SYNE1: variants seen among roughly 807,000 people sequenced by gnomAD.
The protein encoded by SYNE1 is spectrin repeat containing nuclear envelope protein 1.
SYNE1 carries 616 observed loss-of-function variants against 1,111.0 expected under a neutral mutation model. The ratio of observed to expected loss-of-function variants is 0.55; its 90% confidence interval spans 0.52 to 0.59. SYNE1 has a LOEUF of 0.59. Ranked by LOEUF, SYNE1 falls within the 20% of genes least tolerant of loss-of-function variation. The probability of loss-of-function intolerance (pLI) is 0.00; values close to 1 mark genes in which losing one functional copy is unlikely to be tolerated. For missense variants in SYNE1, 10,006 were observed against 10,417.0 expected, an observed-to-expected ratio of 0.96 and a Z score of 1.72; for synonymous variants, 3,855 against 3,825.8, an observed-to-expected ratio of 1.01 and a Z score of -0.28.
At chr6:152,450,474 C>CCCTGGGTCACTTGGAAACAAAGGATAAAA in intron 27 of SYNE1, 151 bp downstream of exon 27, 1 of 881,262 alleles carries the variant, frequency 1.1e-6, no homozygotes, top group Non-Finnish European at 1.9e-6. Flanking sequence ...CTGATTCTGA[C>CCCTGGGTCACTTGGAAACAAAGGATAAAA]TAAAATCCAT....
At chr6:152,398,852 T>C (rs2097772496) in intron 48 of SYNE1, 121 bp from the exon 49 acceptor site, 1 of 672,822 alleles carries the variant, frequency 1.5e-6, no homozygotes. Flanking sequence ...TCCTCTTGCC[T>C]TACAAAATAT....
Position 152,330,130 on chromosome 6 carries a change from TCATAAGC to T in SYNE1, c.14548_14554del (p.Ala4850ArgfsTer14), listed in dbSNP as rs867951020. On this transcript the variant is annotated frameshift_variant, in exon 78 of 146. Coordinates refer to ENST00000367255, the MANE Select transcript of SYNE1 (RefSeq NM_182961.4). LOFTEE classifies it high-confidence loss of function. The stretch of plus-strand genomic sequence containing the variant: ...GGACTGGATCTGATGCCTGGCTTTC[TCATAAGC>T]CAAGGGGTCAAGGTGTGGGGCAAGA... 4 of 1,614,086 alleles carry T rather than the reference TCATAAGC, an allele frequency of 2.5e-6. No individual in the cohort carries two copies. Among genetic ancestry groups the T allele is most frequent in the Non-Finnish European group, 3.4e-6 (4 of 1,180,050 alleles).
chr6:152,299,880 C>T (rs2095081814), intron 93 of SYNE1, among the ~76,000 whole-genome samples: 2 of 152,036 alleles, frequency 1.3e-5, no homozygotes, highest in Non-Finnish European at 2.9e-5. Context: ...GAATAGTTTA[C>T]ATTTTTTAGT....
chr6:152,357,616 G>T (rs1458475073), intron 66 of SYNE1, among the ~76,000 whole-genome samples: 1 of 152,092 alleles, frequency 6.6e-6, no homozygotes, highest in Non-Finnish European at 1.5e-5. Flanking sequence ...GCTACCATAA[G>T]ACCCCTTACA....
At chr6:152,500,156 A>AT (rs1173217873) in intron 10 of SYNE1, among the ~76,000 whole-genome samples, 1 of 152,234 alleles carries the variant, frequency 6.6e-6, no homozygotes, top group East Asian at 1.9e-4. Context: ...GACTTCACGT[A>AT]TAAAAACCAG....
At chr6:152,262,911 G>A (rs1295227894) in intron 100 of SYNE1, among the ~76,000 whole-genome samples, 1 of 151,064 alleles carries the variant, frequency 6.6e-6, no homozygotes, top group African/African-American at 2.4e-5. Context: ...ATAGTACAGG[G>A]CCTGGGAAGG....
At chr6:152,193,486 T>C (rs78363038) in intron 127 of SYNE1, among the ~76,000 whole-genome samples, 15,795 of 152,110 alleles carry the variant, frequency 0.1, 965 homozygotes, top group East Asian at 0.21. Context: ...CCTGGTTAAT[T>C]TTTATAATTT....
chr6:152,547,508 T>C (rs952717514), intron 3 of SYNE1, among the ~76,000 whole-genome samples: 1 of 152,220 alleles, frequency 6.6e-6, no homozygotes, highest in Non-Finnish European at 1.5e-5. Flanking sequence ...TGGCTTCTTT[T>C]AGCTGAACAT....
At chr6:152,561,214 A>G (rs1345457639) in intron 3 of SYNE1, among the ~76,000 whole-genome samples, 1 of 152,238 alleles carries the variant, frequency 6.6e-6, no homozygotes. Context: ...AATTTAGTTA[A>G]GTTATAAGGT....
At position 152,319,025 on chromosome 6, in the gene SYNE1, T is replaced by G; in HGVS notation, c.16237-10A>C. The G allele has an allele frequency of 6.2e-7, 1 of 1,613,876 alleles. No individual in the cohort carries two copies. On this transcript the variant is annotated splice_polypyrimidine_tract_variant and intron_variant, in intron 84 of 145. Transcript: ENST00000367255. ...TTATTTTGTCTTGGATCTAAAAAAATCAGTAAGAACAGCAAAACAAGCCAT... is the reference window on the plus strand; with the variant it reads ...TTATTTTGTCTTGGATCTAAAAAAAGCAGTAAGAACAGCAAAACAAGCCAT...
At position 152,628,307 on chromosome 6, in the gene SYNE1, G is replaced by T. The variant is rs200346529; in HGVS notation, c.25C>A (p.Arg9=). The stretch of plus-strand genomic sequence containing the variant: ...ACATTGGCGATATCCCGAGGACACC[G>T]GGAGGCCCCTCTGGAGGTTGCCATG... MATSRGAS[R]CPRDIANVMQ... Residue 9 remains arginine (R), a synonymous_variant, in exon 3 of 146, where the codon CGG becomes AGG. Coordinates refer to ENST00000367255, the MANE Select transcript of SYNE1 (RefSeq NM_182961.4). The T allele has an allele frequency of 1.9e-6, 3 of 1,614,124 alleles. No individual in the cohort carries two copies. The highest frequency in any genetic ancestry group is 1.1e-5 in the South Asian group (1 of 91,070).
rs537424095 is a variant in SYNE1 at position 152,636,802 on chromosome 6, C to A, written c.-388G>T. ...GTCTGCAGGACTGCGGGAGCCCAGC[C>A]GCCCTGGTGACAGAGGACAACAATC... is the stretch of plus-strand genomic sequence containing the variant. On this transcript the variant is annotated 5_prime_UTR_variant, in exon 2 of 146. Coordinates refer to ENST00000367255, the MANE Select transcript of SYNE1 (RefSeq NM_182961.4). 1 of 152,208 alleles carries A rather than the reference C, an allele frequency of 6.6e-6. No homozygotes were observed. Among genetic ancestry groups the A allele is most frequent in the Admixed American group, 6.5e-5 (1 of 15,282 alleles). The allele number at this position is 152,208 out of a possible 1,614,324, so 9.4% of individuals were successfully genotyped here. A position where few individuals can be genotyped will look rare whatever the true frequency, so the allele number is the denominator to read the frequency against.
chr6:152,543,905 C>T (rs559374103), intron 3 of SYNE1, among the ~76,000 whole-genome samples: 2 of 152,278 alleles, frequency 1.3e-5, no homozygotes, highest in South Asian at 4.1e-4. Flanking sequence ...GTGTAATAGT[C>T]TATACCCTCT....
intron 59 of SYNE1, among the ~76,000 whole-genome samples, chr6:152,370,964 T>C (rs2097169834): frequency 6.6e-6 from 1 of 152,230 alleles, no homozygotes; most frequent in Non-Finnish European, 1.5e-5. Flanking sequence ...TCTGGAGTAT[T>C]CTACCAAAAT....
intron 132 of SYNE1, chr6:152,155,448 G>A (rs1379660694): frequency 3.2e-6 from 1 of 310,038 alleles, no homozygotes; most frequent in East Asian, 8.5e-5. Flanking sequence ...ACTGACAAAA[G>A]TTAATCTATG....
At chr6:152,399,043 T>C (rs1167823565) in intron 48 of SYNE1, among the ~76,000 whole-genome samples, 4 of 152,184 alleles carry the variant, frequency 2.6e-5, no homozygotes, top group Non-Finnish European at 5.9e-5. Context: ...TGCCTGAATA[T>C]GTAAAAAGTG....
Position 152,262,119 on chromosome 6 carries a change from C to T in SYNE1, c.18885G>A (p.Met6295Ile). The change falls in exon 101 of 146, where the codon ATG becomes ATA. Residue 6295 changes from methionine (M) to isoleucine (I), a missense_variant. This residue lies in a region of SYNE1 where 2,182 missense variants were observed against 2,287.8 expected (regional missense o/e 0.95). Coordinates refer to ENST00000367255, the MANE Select transcript of SYNE1 (RefSeq NM_182961.4). ...EGEKSSAEDQ[M>I]RMKWESLHQE... is the part of the protein sequence containing the mutation. ...GATGTAGGCTTTCCCATTTCATTCT[C>T]ATCTGGTCTTCAGCGGATGATTTCT... The T allele has an allele frequency of 6.2e-7, 1 of 1,613,918 alleles. No homozygotes were observed. Among genetic ancestry groups the T allele is most frequent in the Non-Finnish European group, 8.5e-7 (1 of 1,179,914 alleles).
In SYNE1 at chr6:152,376,425, G is replaced by A; in HGVS notation, c.9280C>T (p.Pro3094Ser). 1.2e-6 allele frequency: 2 copies of A among 1,614,150 alleles called. No homozygotes were observed. Among genetic ancestry groups the A allele is most frequent in the African/African-American group, 2.7e-5 (2 of 75,036 alleles). ...GTTGAAACTTCACTTATATTTTGAG[G>A]TATATCAAAACACTTGGCGGTAGTG... ...KITTAKCFDI[P>S]QNISEVSTSL... is the part of the protein sequence containing the mutation. The change falls in exon 58 of 146, where the codon CCT becomes TCT. Residue 3094 changes from proline (P) to serine (S), a missense_variant. Around this residue, in one of 7 missense-constraint regions of SYNE1, gnomAD observed 4,955 missense variants for 5,017.2 expected, o/e 0.99. Coordinates refer to ENST00000367255, the MANE Select transcript of SYNE1 (RefSeq NM_182961.4).
chr6:152,124,174 C>T (rs538617726), intron 145 of SYNE1, among the ~76,000 whole-genome samples: 5 of 152,242 alleles, frequency 3.3e-5, no homozygotes, highest in South Asian at 4.2e-4. Context: ...GGCCTGGTGG[C>T]GTGTGCCTGT....
Sources: allele counts gnomAD v4.1 joint callset (sites outside exome capture counted in the v4.1 genomes callset), GRCh38; gene constraint gnomAD v4.1.1; regional missense constraint gnomAD v4.1.1; transcripts MANE v1.5; gene names NCBI Gene and HGNC (gene_info 2026-07-23, HGNC 2026-07-21).